PHF6: variants seen among roughly 807,000 people sequenced by gnomAD.
PHF6 encodes PHD-like zinc finger protein.
Under a neutral mutation model 34.0 loss-of-function variants are expected in PHF6, and 7 were observed. The observed-to-expected ratio is 0.21, with a 90% CI of 0.12 to 0.39. The LOEUF (loss-of-function observed/expected upper bound fraction) is 0.39. Among genes scored for constraint, PHF6 ranks in the 10% least tolerant of loss-of-function variants. The probability of loss-of-function intolerance (pLI) is 1.00; values close to 1 mark genes in which losing one functional copy is unlikely to be tolerated. For missense variants in PHF6, 128 were observed against 262.8 expected (o/e 0.49, Z 3.55); for synonymous variants, 89 against 88.4 (o/e 1.01, Z -0.04).
chrX:134,425,136 T>C (rs2077503920), intron 9 of PHF6, 65 bp from the exon 10 acceptor site: 1 of 1,179,462 alleles, frequency 8.5e-7, no homozygotes, highest in South Asian at 1.8e-5. Context: ...CATCCACTAA[T>C]GTTGGCAGGA....
chrX:134,409,375 A>C (rs1048924066), intron 5 of PHF6, among the ~76,000 whole-genome samples: 2 of 111,399 alleles, frequency 1.8e-5, no homozygotes, highest in Admixed American at 1.9e-4. Flanking sequence ...ATATATGTCT[A>C]TTCTTGTGCC....
At chrX:134,395,698 TTGG>T (rs1473056943) in intron 5 of PHF6, among the ~76,000 whole-genome samples, 5 of 112,201 alleles carry the variant, frequency 4.5e-5, no homozygotes, top group African/African-American at 1.3e-4. Flanking sequence ...CATGTTAAAA[TTGG>T]TGGCCCTTTT....
In PHF6 at chrX:134,377,765, C is replaced by T. The variant is rs778255925; in HGVS notation, c.138+10C>T. On this transcript the variant is annotated intron_variant, in intron 2 of 10. Transcript: ENST00000370803. ...GCACCATAAGTGCATGGTAAGTATACCGGCAGCAACAGAGACCTTGAAACG... is the reference window on the plus strand; with the variant it reads ...GCACCATAAGTGCATGGTAAGTATATCGGCAGCAACAGAGACCTTGAAACG... The T allele has an allele frequency of 1.4e-4, 165 of 1,202,407 alleles. No individual in the cohort carries two copies. In the South Asian group the frequency reaches 2.8e-3, roughly 20 times the overall value.
intron 8 of PHF6, among the ~76,000 whole-genome samples, chrX:134,416,514 G>A (rs893383336): frequency 2.7e-5 from 3 of 111,096 alleles, no homozygotes; most frequent in African/African-American, 9.8e-5. Context: ...AGATAAAAGG[G>A]CATCTAGATT....
At chrX:134,384,777 G>A (rs964002500) in intron 3 of PHF6, among the ~76,000 whole-genome samples, 8 of 108,726 alleles carry the variant, frequency 7.4e-5, no homozygotes, top group African/African-American at 2.4e-4. Context: ...TCAGCCTCCC[G>A]AGTAGCTGGG....
chrX:134,422,260 A>G (rs757123121), intron 9 of PHF6, among the ~76,000 whole-genome samples: 2 of 112,323 alleles, frequency 1.8e-5, no homozygotes, highest in South Asian at 7.3e-4. Flanking sequence ...TCCATCATAT[A>G]GGTATATCAG....
At chrX:134,383,520 A>C (rs2077316757) in intron 3 of PHF6, among the ~76,000 whole-genome samples, 1 of 111,063 alleles carries the variant, frequency 9.0e-6, no homozygotes, top group Non-Finnish European at 1.9e-5. Context: ...TTTCACACTA[A>C]ATTTTACTCA....
chrX:134,376,484 A>G (rs897017010), intron 1 of PHF6, among the ~76,000 whole-genome samples: 71 of 111,964 alleles, frequency 6.3e-4, no homozygotes, highest in African/African-American at 2.3e-3. Context: ...CTTCTGAAGA[A>G]TCCATATTAA....
chrX:134,383,706 A>C lies in PHF6; in HGVS notation c.240+5600A>C, dbSNP rs533359347. Among the ~76,000 whole-genome samples the C allele has an allele frequency of 7.1e-5, 8 of 111,896 alleles. No individual in the cohort carries two copies. The South Asian group carries it at 3.0e-3, about 42-fold the overall frequency. On this transcript the variant is annotated intron_variant, in intron 3 of 10. Transcript: ENST00000370803. ...AGATAGAGAAGTATTCTCATCTTAC[A>C]TGTGAGGAAATTGAGGCTCAGATGA...
chrX:134,406,978 G>A (rs770086327), intron 5 of PHF6, among the ~76,000 whole-genome samples: 25 of 111,902 alleles, frequency 2.2e-4, no homozygotes, highest in Non-Finnish European at 4.1e-4. Context: ...AAGCATAACT[G>A]TTCTTTTTCT....
At chrX:134,394,559 GAGAC>G (rs2077368892) in intron 5 of PHF6, among the ~76,000 whole-genome samples, 1 of 100,663 alleles carries the variant, frequency 9.9e-6, no homozygotes, top group Non-Finnish European at 2.0e-5. Flanking sequence ...TTTTTTTTGT[GAGAC>G]AGAGTCTCGC....
At position 134,396,942 on chromosome X, in the gene PHF6, T is replaced by G. The variant is rs766961083; in HGVS notation, c.418+2990T>G. ...AGTCTCCAGAACAAAGATGAATTAATATCTATGGTAATGTCTTGGTCATTT... is the reference window on the plus strand; with the variant it reads ...AGTCTCCAGAACAAAGATGAATTAAGATCTATGGTAATGTCTTGGTCATTT... On this transcript the variant is annotated intron_variant, in intron 5 of 10. Coordinates refer to ENST00000370803, the MANE Select transcript of PHF6 (RefSeq NM_001015877.2). Among the ~76,000 whole-genome samples, 4 of 109,878 alleles carry G rather than the reference T, an allele frequency of 3.6e-5. No individual in the cohort carries two copies. The South Asian group carries it at 1.2e-3, about 32-fold the overall frequency.
intron 8 of PHF6, among the ~76,000 whole-genome samples, chrX:134,416,761 C>T (rs1423014942): frequency 1.8e-5 from 2 of 112,081 alleles, no homozygotes; most frequent in Admixed American, 1.9e-4. Context: ...GTACTTTTGT[C>T]TACTGGTAGC....
intron 5 of PHF6, among the ~76,000 whole-genome samples, chrX:134,408,466 C>CT (rs1191110628): frequency 9.0e-6 from 1 of 111,628 alleles, no homozygotes; most frequent in Non-Finnish European, 1.9e-5. Flanking sequence ...CTAACAGTGT[C>CT]TAATTCCCAT....
chrX:134,414,945 C>T (rs2077466792), intron 7 of PHF6, 71 bp from the exon 8 acceptor site: 2 of 831,313 alleles, frequency 2.4e-6, no homozygotes, highest in Non-Finnish European at 3.5e-6. Flanking sequence ...ATATAACACA[C>T]TTGTTATCAC....
intron 3 of PHF6, among the ~76,000 whole-genome samples, chrX:134,379,102 G>A (rs748054819): frequency 5.0e-4 from 56 of 111,866 alleles, no homozygotes; most frequent in African/African-American, 1.7e-3. Context: ...ACTCTGAGAT[G>A]GTAGTTTTTG....
At chrX:134,412,044 T>C (rs1241723421) in intron 5 of PHF6, among the ~76,000 whole-genome samples, 2 of 112,608 alleles carry the variant, frequency 1.8e-5, no homozygotes, top group African/African-American at 6.5e-5. Context: ...GTGCAAGTAA[T>C]TCTAACAGCT....
chrX:134,424,965 A>G (rs771464631), intron 9 of PHF6, among the ~76,000 whole-genome samples: 61 of 112,180 alleles, frequency 5.4e-4, no homozygotes, highest in Non-Finnish European at 4.3e-4. Context: ...GCCTTATGAT[A>G]ACTGTCATCC....
chrX:134,416,264 CT>C (rs986638415), intron 8 of PHF6, among the ~76,000 whole-genome samples: 4 of 111,515 alleles, frequency 3.6e-5, no homozygotes, highest in African/African-American at 9.8e-5. Context: ...AAAAATGAAA[CT>C]TTCGTAACAG....
Sources: allele counts gnomAD v4.1 joint callset (sites outside exome capture counted in the v4.1 genomes callset), GRCh38; gene constraint gnomAD v4.1.1; transcripts MANE v1.5; gene names NCBI Gene and HGNC (gene_info 2026-07-23, HGNC 2026-07-21).